Variants in LRRTM4 observed in about 807,000 individuals in gnomAD.
The protein encoded by LRRTM4 is leucine rich repeat transmembrane neuronal 4, also known as leucine-rich repeat transmembrane neuronal protein 4.
Under a neutral mutation model 47.6 loss-of-function variants are expected in LRRTM4, and 25 were observed. The observed-to-expected ratio is 0.53, with a 90% CI of 0.38 to 0.73. LRRTM4 has a LOEUF of 0.73. Among genes scored for constraint, LRRTM4 ranks in the 30% least tolerant of loss-of-function variants. The pLI, the probability that LRRTM4 is intolerant of heterozygous loss-of-function variation, is 0.00. For missense variants in LRRTM4, 638 were observed against 713.4 expected, an observed-to-expected ratio of 0.89 and a Z score of 1.20; for synonymous variants, 311 against 269.5, an observed-to-expected ratio of 1.15 and a Z score of -1.51.
At chr2:77,049,876 T>C (rs1679371832) in intron 3 of LRRTM4, among the ~76,000 whole-genome samples, 1 of 152,066 alleles carries the variant, frequency 6.6e-6, no homozygotes, top group Admixed American at 6.6e-5. Flanking sequence ...CAGACCAATG[T>C]TCTTTAGTGT....
chr2:77,326,283 T>C (rs1670770904), intron 3 of LRRTM4, among the ~76,000 whole-genome samples: 1 of 152,210 alleles, frequency 6.6e-6, no homozygotes, highest in South Asian at 2.1e-4. Context: ...ATGAAATAAA[T>C]GTATCTACTT....
intron 3 of LRRTM4, among the ~76,000 whole-genome samples, chr2:77,280,996 A>C (rs1676493471): frequency 6.6e-6 from 1 of 151,894 alleles, no homozygotes; most frequent in African/African-American, 2.4e-5. Context: ...TACTAACCCT[A>C]TTAAAGAATA....
intron 3 of LRRTM4, among the ~76,000 whole-genome samples, chr2:76,974,147 T>C (rs1359363238): frequency 1.5e-5 from 2 of 131,612 alleles, no homozygotes; most frequent in African/African-American, 6.6e-5. Flanking sequence ...TATACATATA[T>C]ATACATACAT....
At chr2:77,184,312 G>C (rs897510713) in intron 3 of LRRTM4, among the ~76,000 whole-genome samples, 1 of 151,958 alleles carries the variant, frequency 6.6e-6, no homozygotes. Flanking sequence ...ATGCCCAAAG[G>C]TTTCAATATT....
intron 3 of LRRTM4, among the ~76,000 whole-genome samples, chr2:77,382,497 A>C (rs1673100692): frequency 6.6e-6 from 1 of 152,076 alleles, no homozygotes; most frequent in African/African-American, 2.4e-5. Flanking sequence ...CAAACATCTT[A>C]TGTCATTCTG....
At chr2:77,010,055 T>C (rs1677810004) in intron 3 of LRRTM4, among the ~76,000 whole-genome samples, 1 of 152,008 alleles carries the variant, frequency 6.6e-6, no homozygotes, top group Non-Finnish European at 1.5e-5. Flanking sequence ...CAGCATGATA[T>C]TTTGATATAT....
chr2:76,831,509 C>G (rs1671351967), intron 3 of LRRTM4, among the ~76,000 whole-genome samples: 1 of 152,070 alleles, frequency 6.6e-6, no homozygotes, highest in African/African-American at 2.4e-5. Flanking sequence ...TGGGTTGATT[C>G]TCCGTTTAAT....
chr2:77,459,226 G>A (rs1173174226), intron 3 of LRRTM4, among the ~76,000 whole-genome samples: 1 of 152,066 alleles, frequency 6.6e-6, no homozygotes, highest in Non-Finnish European at 1.5e-5. Flanking sequence ...GCTGGAAGAA[G>A]TGTGCCAGGT....
At chr2:77,500,093 T>C (rs1678515785) in intron 3 of LRRTM4, among the ~76,000 whole-genome samples, 1 of 151,746 alleles carries the variant, frequency 6.6e-6, no homozygotes. Context: ...CGGGCCACTT[T>C]ACTGCAGTCT....
At chr2:76,912,515 T>A (rs184375511) in intron 3 of LRRTM4, among the ~76,000 whole-genome samples, 1 of 152,302 alleles carries the variant, frequency 6.6e-6, no homozygotes, top group East Asian at 1.9e-4. Context: ...CAATTGGTAA[T>A]GTCGAATTCC....
At chr2:77,315,831 C>T (rs1409663888) in intron 3 of LRRTM4, among the ~76,000 whole-genome samples, 1 of 152,188 alleles carries the variant, frequency 6.6e-6, no homozygotes, top group Non-Finnish European at 1.5e-5. Flanking sequence ...TGCCCTTTCT[C>T]TTAGCTTCTA....
chr2:76,862,614 G>T (rs1413959247), intron 3 of LRRTM4, among the ~76,000 whole-genome samples: 1 of 152,068 alleles, frequency 6.6e-6, no homozygotes, highest in Non-Finnish European at 1.5e-5. Flanking sequence ...GAGGAGGAGG[G>T]AAAATATCTC....
At chr2:77,299,280 C>A (rs958178020) in intron 3 of LRRTM4, among the ~76,000 whole-genome samples, 2 of 131,482 alleles carry the variant, frequency 1.5e-5, no homozygotes, top group Admixed American at 7.4e-5. Context: ...CACACACACA[C>A]ACACACACGT....
At chr2:76,981,742 C>T (rs1052417565) in intron 3 of LRRTM4, among the ~76,000 whole-genome samples, 1 of 152,022 alleles carries the variant, frequency 6.6e-6, no homozygotes, top group Non-Finnish European at 1.5e-5. Context: ...ATCTTCCCGC[C>T]TCAGCCTCCC....
intron 3 of LRRTM4, among the ~76,000 whole-genome samples, chr2:77,250,610 C>A (rs2104012719): frequency 6.6e-6 from 1 of 152,168 alleles, no homozygotes; most frequent in Admixed American, 6.5e-5. Flanking sequence ...TACATATATG[C>A]ATTAATTGGT....
At chr2:77,189,633 C>T (rs1396706287) in intron 3 of LRRTM4, among the ~76,000 whole-genome samples, 1 of 146,374 alleles carries the variant, frequency 6.8e-6, no homozygotes, top group Non-Finnish European at 1.5e-5. Flanking sequence ...CATGCCGGCA[C>T]CGTGATCTTA....
intron 3 of LRRTM4, among the ~76,000 whole-genome samples, chr2:77,259,213 T>A (rs1485946425): frequency 6.6e-6 from 1 of 152,074 alleles, no homozygotes; most frequent in Admixed American, 6.6e-5. Flanking sequence ...TAGATGTGAA[T>A]TCTGACTCTT....
chr2:77,251,137 GTA>G (rs1431689380), intron 3 of LRRTM4, among the ~76,000 whole-genome samples: 1 of 141,582 alleles, frequency 7.1e-6, no homozygotes, highest in Non-Finnish European at 1.5e-5. Context: ...ACATATATAT[GTA>G]TATATATGTG....
chr2:77,093,062 A>G (rs1670699950), intron 3 of LRRTM4, among the ~76,000 whole-genome samples: 1 of 145,856 alleles, frequency 6.9e-6, no homozygotes, highest in East Asian at 2.0e-4. Context: ...CTCATTCCAG[A>G]CACCAGACCA....
Sources: allele counts gnomAD v4.1 joint callset (sites outside exome capture counted in the v4.1 genomes callset), GRCh38; gene constraint gnomAD v4.1.1; transcripts MANE v1.5; gene names NCBI Gene and HGNC (gene_info 2026-07-23, HGNC 2026-07-21).